SLC9A7: variants seen among roughly 807,000 people sequenced by gnomAD.
SLC9A7 encodes solute carrier family 9 member A7, also known as sodium/hydrogen exchanger 7.
A neutral mutation model predicts 52.6 loss-of-function variants in SLC9A7; 19 were observed. That is an observed-to-expected ratio of 0.36 (90% CI 0.25 to 0.53). SLC9A7 has a LOEUF of 0.53. Among genes scored for constraint, SLC9A7 ranks in the 20% least tolerant of loss-of-function variants. The pLI is 0.91. For missense variants in SLC9A7, 455 were observed against 597.9 expected (o/e 0.76, Z 2.49); for synonymous variants, 226 against 252.1 (o/e 0.90, Z 0.98).
intron 11 of SLC9A7, among the ~76,000 whole-genome samples, chrX:46,647,730 C>T (rs774457136): frequency 2.7e-5 from 3 of 112,775 alleles, no homozygotes; most frequent in East Asian, 5.6e-4. Context: ...AGGAAATCAT[C>T]TTAGAAGACT....
At position 46,648,678 on chromosome X, in the gene SLC9A7, C is replaced by T; in HGVS notation, c.1462+8G>A. ...AAACTCATTTTCTTTACACTTACGC[C>T]TTTTTACCTGAAAACATCATCATGT... On this transcript the variant is annotated splice_region_variant and intron_variant, in intron 11 of 16. Coordinates refer to ENST00000616978, the MANE Select transcript of SLC9A7 (RefSeq NM_001257291.2). The T allele has an allele frequency of 8.5e-7, 1 of 1,175,693 alleles. No individual in the cohort carries two copies. Among genetic ancestry groups the T allele is most frequent in the Non-Finnish European group, 1.2e-6 (1 of 863,315 alleles).
chrX:46,662,393 G>A (rs925940453), intron 6 of SLC9A7, 145 bp downstream of exon 6: 4 of 517,765 alleles, frequency 7.7e-6, no homozygotes, highest in Non-Finnish European at 1.3e-5. Context: ...ACAAAGCAAC[G>A]TAATTTTATC....
intron 3 of SLC9A7, among the ~76,000 whole-genome samples, chrX:46,673,355 AACACACACACACAC>A (rs57016133): frequency 9.7e-6 from 1 of 102,608 alleles, no homozygotes; most frequent in African/African-American, 3.6e-5. Context: ...TAAAAATATA[AACACACACACACAC>A]ACACACACAC....
intron 14 of SLC9A7, among the ~76,000 whole-genome samples, chrX:46,627,215 G>C (rs931836938): frequency 1.8e-5 from 2 of 110,526 alleles, no homozygotes; most frequent in African/African-American, 6.6e-5. Flanking sequence ...TCAGGAGGCC[G>C]AGGGAGGAGG....
At position 46,740,903 on chromosome X, in the gene SLC9A7, C is replaced by CAAA. The variant is rs202063535; in HGVS notation, c.325+17799_325+17801dup. On this transcript the variant is annotated intron_variant, in intron 1 of 16. Transcript: ENST00000616978. ...CATGATTGTCTATGTATGAAATAAGCAAAAAAAAAAAAAGCTACTAAAACG... is the reference window on the plus strand; with the variant it reads ...CATGATTGTCTATGTATGAAATAAGCAAAAAAAAAAAAAAAAGCTACTAAAACG... Among the ~76,000 whole-genome samples, 100 of 91,829 alleles carry CAAA rather than the reference C, an allele frequency of 1.1e-3. 1 individual carries two copies. The highest frequency in any genetic ancestry group is 3.9e-3 in the African/African-American group (94 of 24,358). 79.7% of individuals were successfully genotyped at this position (91,829 alleles called of 115,157 possible).
chrX:46,614,746 G>A (rs776605523), intron 15 of SLC9A7, among the ~76,000 whole-genome samples: 2 of 111,652 alleles, frequency 1.8e-5, no homozygotes, highest in Non-Finnish European at 3.8e-5. Flanking sequence ...TGATACAGCC[G>A]GGACCACTTC....
chrX:46,704,202 C>T lies in SLC9A7; in HGVS notation c.326-21667G>A, dbSNP rs956222262. Among the ~76,000 whole-genome samples, 9 of 111,017 alleles carry T rather than the reference C, an allele frequency of 8.1e-5. No homozygotes were observed. The Admixed American group carries it at 8.7e-4, about 11-fold the overall frequency. ...TCAACCACTCTTTTCCCTGTGCTGT[C>T]GTTGCCTATACAACTGTTACTGCAC... On this transcript the variant is annotated intron_variant, in intron 1 of 16. Transcript: ENST00000616978.
intron 5 of SLC9A7, among the ~76,000 whole-genome samples, chrX:46,667,962 A>C (rs1473895815): frequency 8.9e-6 from 1 of 112,257 alleles, no homozygotes; most frequent in Non-Finnish European, 1.9e-5. Context: ...CCAACACTTG[A>C]AAAATACAAG....
intron 7 of SLC9A7, among the ~76,000 whole-genome samples, chrX:46,654,033 T>C (rs1602181832): frequency 9.0e-6 from 1 of 110,987 alleles, no homozygotes; most frequent in Non-Finnish European, 1.9e-5. Flanking sequence ...GAATGCGGAA[T>C]TGTGCACGTA....
rs1288840204 is a variant in SLC9A7, at chrX:46,662,029, A to C, written c.1028T>G (p.Val343Gly). ...GSFTMGAVTGVVTALVTKFTK... is the reference protein window; with the variant it reads ...GSFTMGAVTGGVTALVTKFTK... ...CAAAAAGGATATTAGAGCAGTCACA[A>C]CACCAGTCACAGCTCCCATGGTAAA... is the stretch of plus-strand genomic sequence containing the variant. Residue 343 changes from valine (V) to glycine (G), a missense_variant, in exon 7 of 17, where the codon GTT becomes GGT. Coordinates refer to ENST00000616978, the MANE Select transcript of SLC9A7 (RefSeq NM_001257291.2). 3 of 1,194,487 alleles carry C rather than the reference A, an allele frequency of 2.5e-6. No individual in the cohort carries two copies. The African/African-American group carries it at 5.3e-5, about 21-fold the overall frequency.
At chrX:46,754,326 G>A (rs1556290476) in intron 1 of SLC9A7, among the ~76,000 whole-genome samples, 1 of 111,484 alleles carries the variant, frequency 9.0e-6, no homozygotes, top group Non-Finnish European at 1.9e-5. Context: ...AGGAAGCTAA[G>A]GCTCAGAGAG....
rs1272790717 is a variant in SLC9A7 at position 46,603,812 on chromosome X, C to T, written c.*3140G>A. 9.1e-6 allele frequency: 1 copy of T among 109,414 alleles called. No homozygotes were observed. The highest frequency in any genetic ancestry group is 1.9e-5 in the Non-Finnish European group (1 of 52,945). 9.0% of individuals were successfully genotyped at this position (109,414 alleles called of 1,213,427 possible). A position where few individuals can be genotyped will look rare whatever the true frequency, so the allele number is the denominator to read the frequency against. On this transcript the variant is annotated 3_prime_UTR_variant, in exon 17 of 17. Transcript: ENST00000616978. ...CGAGGTCATGCCACTGCACTCCAGC[C>T]TGGGGGATAGAGCGAGACTCCATCT...
At chrX:46,725,608 G>C (rs373253143) in intron 1 of SLC9A7, 12 of 1,071,114 alleles carry the variant, frequency 1.1e-5, no homozygotes, top group East Asian at 9.0e-5. Flanking sequence ...ATCCACTTTT[G>C]CTTTAAAACT....
intron 12 of SLC9A7, among the ~76,000 whole-genome samples, chrX:46,638,011 T>C (rs1206505825): frequency 8.9e-6 from 1 of 112,108 alleles, no homozygotes; most frequent in Non-Finnish European, 1.9e-5. Context: ...TTCTGACTTC[T>C]GGGCAGCTAC....
chrX:46,617,339 C>A (rs1428798315), intron 15 of SLC9A7, among the ~76,000 whole-genome samples: 1 of 111,759 alleles, frequency 8.9e-6, no homozygotes, highest in Non-Finnish European at 1.9e-5. Context: ...AAGGATTAAT[C>A]AAAAAGTACA....
intron 15 of SLC9A7, among the ~76,000 whole-genome samples, chrX:46,615,042 G>T (rs754847235): frequency 6.2e-5 from 7 of 112,050 alleles, no homozygotes; most frequent in Admixed American, 1.9e-4. Context: ...CTGGAGCTCT[G>T]TTTTTTGTTT....
intron 5 of SLC9A7, among the ~76,000 whole-genome samples, chrX:46,667,955 A>G (rs1228222177): frequency 1.8e-5 from 2 of 112,300 alleles, no homozygotes; most frequent in Middle Eastern, 4.6e-3. Context: ...GGTTCAACCA[A>G]CACTTGAAAA....
At position 46,604,216 on chromosome X, in the gene SLC9A7, A is replaced by G. The variant is rs1038886504; in HGVS notation, c.*2736T>C. 9.0e-6 allele frequency: 1 copy of G among 111,727 alleles called. No individual in the cohort carries two copies. Among genetic ancestry groups the G allele is most frequent in the Non-Finnish European group, 1.9e-5 (1 of 53,148 alleles). The allele number at this position is 111,727 out of a possible 1,213,427, so 9.2% of individuals were successfully genotyped here. On this transcript the variant is annotated 3_prime_UTR_variant, in exon 17 of 17. Transcript: ENST00000616978. The stretch of plus-strand genomic sequence containing the variant: ...CTGCAACCTCACCCCAGGATATAAG[A>G]ACTTCCCTTCCAGGGGCTATGAAAG...
At chrX:46,731,931 G>T (rs1271987805) in intron 1 of SLC9A7, among the ~76,000 whole-genome samples, 2 of 111,917 alleles carry the variant, frequency 1.8e-5, no homozygotes, top group East Asian at 5.6e-4. Context: ...AAATTAAAAT[G>T]ACACTGAGGG....
Sources: gnomAD v4.1 joint callset for allele counts (sites outside exome capture counted in the v4.1 genomes callset) on GRCh38, gnomAD v4.1.1 for gene constraint, MANE v1.5 for transcripts, NCBI Gene and HGNC (gene_info 2026-07-23, HGNC 2026-07-21) for gene names.